Variants in YLPM1 observed in about 807,000 individuals in gnomAD.
YLPM1 encodes the protein YLP motif containing 1.
Under a neutral mutation model 230.0 loss-of-function variants are expected in YLPM1, and 99 were observed. The ratio of observed to expected loss-of-function variants is 0.43; its 90% CI spans 0.37 to 0.51. The LOEUF (loss-of-function observed/expected upper bound fraction) is 0.51. YLPM1 is among the 20% of genes least tolerant of loss of function. YLPM1 has a pLI of 0.00. For synonymous variants in YLPM1, 984 were observed against 942.5 expected (o/e 1.04, Z -0.81); for missense variants, 2,592 against 2,707.7 (o/e 0.96, Z 0.95).
chr14:74,804,256 C>T lies in YLPM1; in HGVS notation c.4521+1580C>T, dbSNP rs533640459. Among the ~76,000 whole-genome samples the T allele has an allele frequency of 1.4e-3, 213 of 152,324 alleles. 1 individual carries two copies. The highest frequency in any genetic ancestry group is 2.7e-3 in the Non-Finnish European group (183 of 68,028). On this transcript the variant is annotated intron_variant, in intron 6 of 20. Transcript: ENST00000325680. ...CCCTATACTCCACTTCAGGCAGCGTCGATGTGATTTGTGGCCAGATGGACA... is the reference window on the plus strand; with the variant it reads ...CCCTATACTCCACTTCAGGCAGCGTTGATGTGATTTGTGGCCAGATGGACA...
Position 74,780,503 on chromosome 14 carries a change from G to A in YLPM1, c.1209G>A (p.Gln403=). 1.9e-6 allele frequency: 3 copies of A among 1,614,006 alleles called. No individual in the cohort carries two copies. Among genetic ancestry groups the A allele is most frequent in the Non-Finnish European group, 2.5e-6 (3 of 1,179,888 alleles). Reference sequence around the variant, plus strand: ...AGCATCGAGTCGGTTTCCAGTATCAGGGAATAATGCAGAAGCACACTCAGT... The same window carrying A: ...AGCATCGAGTCGGTTTCCAGTATCAAGGAATAATGCAGAAGCACACTCAGT... ...HQQHRVGFQY[Q]GIMQKHTQLQ... is the part of the protein sequence containing the mutation. The change falls in exon 3 of 21, where the codon CAG becomes CAA. Residue 403 remains glutamine (Q), a synonymous_variant. Transcript: ENST00000325680.
Position 74,816,951 on chromosome 14 carries a change from A to G in YLPM1, c.5706A>G (p.Glu1902=). ...CTTAGGTAATGGAATATGAATATGA[A>G]GCTGAGATGGAGGAGACTTACCGCA... ...VKKKVMEYEY[E]AEMEETYRTS... Residue 1902 remains glutamate (E), a synonymous_variant, in exon 14 of 21, where the codon GAA becomes GAG. Transcript: ENST00000325680. 6.3e-7 allele frequency: 1 copy of G among 1,583,160 alleles called. No individual in the cohort carries two copies. The highest frequency in any genetic ancestry group is 8.6e-7 in the Non-Finnish European group (1 of 1,168,980).
intron 5 of YLPM1, among the ~76,000 whole-genome samples, chr14:74,801,210 A>G (rs2091321156): frequency 6.6e-6 from 1 of 152,154 alleles, no homozygotes; most frequent in Non-Finnish European, 1.5e-5. Flanking sequence ...TAAACAATAT[A>G]TAGGGAGTGA....
chr14:74,835,064 T>A (rs2091633832), intron 19 of YLPM1: 1 of 583,742 alleles, frequency 1.7e-6, no homozygotes, highest in African/African-American at 1.9e-5. Flanking sequence ...GCTGGAATGG[T>A]TAGGACTTGG....
chr14:74,829,582 T>G (rs1481655471), intron 19 of YLPM1, among the ~76,000 whole-genome samples: 5 of 152,106 alleles, frequency 3.3e-5, no homozygotes, highest in African/African-American at 1.2e-4. Context: ...CTTAAAGGCA[T>G]TGGGAGTGGC....
At position 74,798,185 on chromosome 14, in the gene YLPM1, G is replaced by T. The variant is rs2091283641; in HGVS notation, c.2888G>T (p.Gly963Val). 1 of 1,613,940 alleles carries T rather than the reference G, an allele frequency of 6.2e-7. No individual in the cohort carries two copies. The highest frequency in any genetic ancestry group is 8.5e-7 in the Non-Finnish European group (1 of 1,179,888). ...CAATCTACTTTTCCTTCAAAAACAG[G>T]GGGGATGGAGGGAGGAACAGCAGTA... is the stretch of plus-strand genomic sequence containing the variant. The part of the protein sequence containing the change: ...PAQSTFPSKT[G>V]GMEGGTAVAT... Residue 963 changes from glycine (G) to valine (V), a missense_variant, in exon 5 of 21, where the codon GGG becomes GTG. This residue lies in a region of YLPM1 where 1,862 missense variants were observed against 1,819.8 expected (regional missense o/e 1.02). Transcript: ENST00000325680.
intron 1 of YLPM1, among the ~76,000 whole-genome samples, chr14:74,774,475 G>C (rs542924454): frequency 1.1e-3 from 175 of 152,190 alleles, no homozygotes; most frequent in African/African-American, 4.1e-3. Flanking sequence ...GCGTGATCTC[G>C]GCTCACTGCA....
intron 10 of YLPM1, among the ~76,000 whole-genome samples, chr14:74,811,981 T>C (rs2091438922): frequency 6.6e-6 from 1 of 152,208 alleles, no homozygotes; most frequent in Non-Finnish European, 1.5e-5. Context: ...TATTATAATT[T>C]TGTAGCTTTC....
Position 74,764,899 on chromosome 14 carries a change from C to G in YLPM1, c.873+537C>G, listed in dbSNP as rs373356556. Reference sequence around the variant, plus strand: ...GGAAATCTTGTCTTACCAGGAGCATCCTAATTATGCTTATAGGTACATATA... The same window carrying G: ...GGAAATCTTGTCTTACCAGGAGCATGCTAATTATGCTTATAGGTACATATA... On this transcript the variant is annotated intron_variant, in intron 1 of 20. Coordinates refer to ENST00000325680, the MANE Select transcript of YLPM1 (RefSeq NM_019589.3). Among the ~76,000 whole-genome samples, 5 of 152,268 alleles carry G rather than the reference C, an allele frequency of 3.3e-5. 1 individual carries two copies. The highest frequency in any genetic ancestry group is 1.2e-4 in the African/African-American group (5 of 41,546).
chr14:74,798,171 T>C lies in YLPM1; in HGVS notation c.2874T>C (p.Phe958=), dbSNP rs202213955. 410 of 1,613,930 alleles carry C rather than the reference T, an allele frequency of 2.5e-4. 1 individual carries two copies. The Middle Eastern group carries it at 6.6e-3, about 26-fold the overall frequency. The change falls in exon 5 of 21, where the codon TTT becomes TTC. Residue 958 remains phenylalanine (F), a synonymous_variant. Transcript: ENST00000325680. The part of the protein sequence containing the change: ...ANKPVPAQST[F]PSKTGGMEGG... ...AGCCTGTACCTGCTCAATCTACTTT[T>C]CCTTCAAAAACAGGGGGGATGGAGG...
chr14:74,788,459 G>C (rs954940362), intron 4 of YLPM1, among the ~76,000 whole-genome samples: 1 of 152,174 alleles, frequency 6.6e-6, no homozygotes, highest in African/African-American at 2.4e-5. Flanking sequence ...GATGGTCCAG[G>C]TTCTTGCCAC....
At chr14:74,774,559 C>T (rs1442233486) in intron 1 of YLPM1, among the ~76,000 whole-genome samples, 1 of 152,218 alleles carries the variant, frequency 6.6e-6, no homozygotes, top group Non-Finnish European at 1.5e-5. Flanking sequence ...GTGCCTGCCA[C>T]CATGCCAGGT....
rs768318307 is a variant in YLPM1 at position 74,806,186 on chromosome 14, G to A, written c.4522-3194G>A. Among the ~76,000 whole-genome samples, 29 of 151,588 alleles carry A rather than the reference G, an allele frequency of 1.9e-4. No homozygotes were observed. The East Asian group carries it at 3.7e-3, about 20-fold the overall frequency. ...AGCCTGGCCAACATGGTGAAACCCCGTCTCTACTAAAAATATAAAAATCAG... is the reference window on the plus strand; with the variant it reads ...AGCCTGGCCAACATGGTGAAACCCCATCTCTACTAAAAATATAAAAATCAG... On this transcript the variant is annotated intron_variant, in intron 6 of 20. Transcript: ENST00000325680.
Position 74,781,697 on chromosome 14 carries a change from C to T in YLPM1, c.1654C>T (p.Pro552Ser). 6 of 1,613,260 alleles carry T rather than the reference C, an allele frequency of 3.7e-6. No homozygotes were observed. The highest frequency in any genetic ancestry group is 3.4e-6 in the Non-Finnish European group (4 of 1,179,682). Residue 552 changes from proline (P) to serine (S), a missense_variant, in exon 4 of 21, where the codon CCT becomes TCT. This residue lies in a region of YLPM1 where 1,862 missense variants were observed against 1,819.8 expected (regional missense o/e 1.02). Coordinates refer to ENST00000325680, the MANE Select transcript of YLPM1 (RefSeq NM_019589.3). ...LPPPVMPPALPATVPPPGMPP... is the reference protein window; with the variant it reads ...LPPPVMPPALSATVPPPGMPP... The stretch of plus-strand genomic sequence containing the variant: ...ACCACCAGTGATGCCCCCTGCCCTC[C>T]CTGCTACAGTGCCACCACCTGGCAT...
At chr14:74,827,364 G>T in intron 18 of YLPM1, 1 of 985,330 alleles carries the variant, frequency 1.0e-6, no homozygotes, top group Non-Finnish European at 1.2e-6. Context: ...TGTGTGTTTG[G>T]TTTCCAGTAT....
chr14:74,764,397 C>T (rs1176161803), intron 1 of YLPM1, 35 bp downstream of exon 1: 10 of 1,546,084 alleles, frequency 6.5e-6, no homozygotes, highest in Non-Finnish European at 7.0e-6. Flanking sequence ...CATCTTTCAC[C>T]TAGAGGGCCC....
intron 4 of YLPM1, among the ~76,000 whole-genome samples, chr14:74,789,606 C>CT (rs145215430): frequency 0.048 from 6,075 of 125,476 alleles, 130 homozygotes; most frequent in Middle Eastern, 0.073. Flanking sequence ...TCTTTCTTTT[C>CT]TTTTTTTTTT....
chr14:74,794,787 A>G (rs2091242880), intron 4 of YLPM1, among the ~76,000 whole-genome samples: 1 of 151,864 alleles, frequency 6.6e-6, no homozygotes, highest in Non-Finnish European at 1.5e-5. Context: ...ACACACACAC[A>G]TATTTAAACA....
intron 1 of YLPM1, among the ~76,000 whole-genome samples, chr14:74,770,495 C>G (rs1027353275): frequency 9.9e-5 from 15 of 151,580 alleles, no homozygotes; most frequent in Non-Finnish European, 1.5e-5. Context: ...TGTGGTGGTG[C>G]ACGCTTTTAA....
Sources: gnomAD v4.1 joint callset for allele counts (sites outside exome capture counted in the v4.1 genomes callset) on GRCh38, gnomAD v4.1.1 for gene constraint, gnomAD v4.1.1 regional missense constraint, MANE v1.5 for transcripts, NCBI Gene and HGNC (gene_info 2026-07-23, HGNC 2026-07-21) for gene names.